ABTB2: variants seen among roughly 807,000 people sequenced by gnomAD.
ABTB2 encodes ankyrin repeat and BTB/POZ domain-containing protein 2.
A neutral mutation model predicts 104.1 loss-of-function variants in ABTB2; 56 were observed. That is an observed-to-expected ratio of 0.54 (90% CI 0.43 to 0.67). The LOEUF is 0.67. ABTB2 is among the 30% of genes least tolerant of loss of function. ABTB2 has a pLI of 0.00. For missense variants in ABTB2, 1,279 were observed against 1,407.7 expected, an observed-to-expected ratio of 0.91 and a Z score of 1.46; for synonymous variants, 606 against 608.2, an observed-to-expected ratio of 1.00 and a Z score of 0.05.
At chr11:34,260,947 C>T (rs564465937) in intron 1 of ABTB2, among the ~76,000 whole-genome samples, 1 of 152,278 alleles carries the variant, frequency 6.6e-6, no homozygotes, top group African/African-American at 2.4e-5. Context: ...CATGGTGAAA[C>T]CTTGTCTCTA....
chr11:34,233,926 T>C (rs1412231431), intron 1 of ABTB2, among the ~76,000 whole-genome samples: 1 of 152,170 alleles, frequency 6.6e-6, no homozygotes, highest in Non-Finnish European at 1.5e-5. Flanking sequence ...TGGACATCTT[T>C]TCAGGTCAGT....
chr11:34,301,881 C>G (rs1052774754), intron 1 of ABTB2, among the ~76,000 whole-genome samples: 2 of 152,112 alleles, frequency 1.3e-5, no homozygotes, highest in African/African-American at 4.8e-5. Flanking sequence ...TAGCTACTTT[C>G]CAGCCTAAAG....
rs532979766 is a variant in ABTB2, at chr11:34,338,027, T to C, written c.883+18674A>G. Among the ~76,000 whole-genome samples the C allele has an allele frequency of 2.4e-4, 36 of 151,948 alleles. No homozygotes were observed. The South Asian group carries it at 7.1e-3, about 30-fold the overall frequency. On this transcript the variant is annotated intron_variant, in intron 1 of 16. Coordinates refer to ENST00000435224, the MANE Select transcript of ABTB2 (RefSeq NM_145804.3). ...GCAGAATAAAATCCACCCCCAGTGA[T>C]GTAGATGGAATTCACAAACCTGCCC...
At chr11:34,225,035 A>T (rs989672419) in intron 1 of ABTB2, among the ~76,000 whole-genome samples, 6 of 152,202 alleles carry the variant, frequency 3.9e-5, no homozygotes, top group African/African-American at 7.2e-5. Flanking sequence ...TTAAATCTAA[A>T]CTTGAGGTAT....
chr11:34,181,843 C>T (rs55687647), intron 3 of ABTB2, among the ~76,000 whole-genome samples: 17,215 of 152,242 alleles, frequency 0.11, 1,291 homozygotes, highest in Non-Finnish European at 0.17. Flanking sequence ...GAGAGGATGG[C>T]CCCAGTGGTT....
chr11:34,197,647 C>A, intron 2 of ABTB2, 109 bp from the exon 3 acceptor site: 1 of 798,458 alleles, frequency 1.3e-6, no homozygotes, highest in Non-Finnish European at 1.9e-6. Flanking sequence ...GCTCCCTTGC[C>A]TTAGTGCATA....
At chr11:34,268,556 T>G (rs897194399) in intron 1 of ABTB2, among the ~76,000 whole-genome samples, 5 of 152,176 alleles carry the variant, frequency 3.3e-5, no homozygotes, top group Admixed American at 1.3e-4. Flanking sequence ...ACAGGGATAA[T>G]GACAGGTACT....
intron 1 of ABTB2, among the ~76,000 whole-genome samples, chr11:34,345,040 G>A (rs950523410): frequency 5.3e-5 from 8 of 152,162 alleles, no homozygotes; most frequent in African/African-American, 1.9e-4. Flanking sequence ...TGATACTAAA[G>A]TCAATTTCCA....
chr11:34,334,972 C>A, intron 1 of ABTB2: 1 of 501,338 alleles, frequency 2.0e-6, no homozygotes, highest in East Asian at 3.4e-5. Context: ...TTTAAAATCC[C>A]ATATCACTTA....
chr11:34,250,737 C>A (rs1000751047), intron 1 of ABTB2, among the ~76,000 whole-genome samples: 1 of 152,212 alleles, frequency 6.6e-6, no homozygotes, highest in Non-Finnish European at 1.5e-5. Context: ...CAACCCCAAA[C>A]TTCTTTCTGC....
At chr11:34,256,235 TAATAA>T (rs530539079) in intron 1 of ABTB2, among the ~76,000 whole-genome samples, 9 of 152,050 alleles carry the variant, frequency 5.9e-5, no homozygotes, top group Non-Finnish European at 1.2e-4. Flanking sequence ...AACATAAACT[TAATAA>T]AACACAGACA....
At chr11:34,251,776 TC>T (rs1260354042) in intron 1 of ABTB2, among the ~76,000 whole-genome samples, 1 of 152,070 alleles carries the variant, frequency 6.6e-6, no homozygotes, top group African/African-American at 2.4e-5. Context: ...ACACAACTGT[TC>T]CTCAGGAAAC....
At position 34,152,243 on chromosome 11, in the gene ABTB2, T is replaced by C. The variant is rs2132995545; in HGVS notation, c.*144A>G. On this transcript the variant is annotated 3_prime_UTR_variant, in exon 17 of 17. Coordinates refer to ENST00000435224, the MANE Select transcript of ABTB2 (RefSeq NM_145804.3). Reference sequence around the variant, plus strand: ...TAGGGCAGAGGAGATGAGGGTGAGCTGCCCGGTGACAGGGGGGACATCTGG... The same window carrying C: ...TAGGGCAGAGGAGATGAGGGTGAGCCGCCCGGTGACAGGGGGGACATCTGG... 1 of 884,156 alleles carries C rather than the reference T, an allele frequency of 1.1e-6. No homozygotes were observed. The highest frequency in any genetic ancestry group is 1.7e-5 in the African/African-American group (1 of 59,168). The allele number at this position is 884,156 out of a possible 1,614,324, so 54.8% of individuals were successfully genotyped here.
chr11:34,238,601 T>C (rs184566379), intron 1 of ABTB2, among the ~76,000 whole-genome samples: 2 of 152,322 alleles, frequency 1.3e-5, no homozygotes, highest in East Asian at 3.9e-4. Flanking sequence ...TCAACATATA[T>C]GAGCCATTAA....
At chr11:34,226,986 C>T (rs1853695447) in intron 1 of ABTB2, among the ~76,000 whole-genome samples, 1 of 152,208 alleles carries the variant, frequency 6.6e-6, no homozygotes, top group South Asian at 2.1e-4. Context: ...TGCTTGAACC[C>T]AGGAGGCGGA....
intron 1 of ABTB2, among the ~76,000 whole-genome samples, chr11:34,233,016 C>T (rs1322764672): frequency 1.3e-5 from 2 of 151,506 alleles, no homozygotes; most frequent in African/African-American, 4.9e-5. Context: ...CATATACTAC[C>T]CCCTCCATCA....
rs61880782 is a variant in ABTB2 at position 34,356,215 on chromosome 11, C to T, written c.883+486G>A. On this transcript the variant is annotated intron_variant, in intron 1 of 16. Coordinates refer to ENST00000435224, the MANE Select transcript of ABTB2 (RefSeq NM_145804.3). The surrounding 1 kb of genome is among the most constrained non-coding windows in gnomAD (Gnocchi z 4.6). Reference sequence around the variant, plus strand: ...ACCAGATCTTGGGCTTCCCACTTCCCTCCGCCCATCTTACTTATCCAAGGT... The same window carrying T: ...ACCAGATCTTGGGCTTCCCACTTCCTTCCGCCCATCTTACTTATCCAAGGT... Among the ~76,000 whole-genome samples, 3,918 of 152,336 alleles carry T rather than the reference C, an allele frequency of 0.026. 85 individuals carry two copies. The highest frequency in any genetic ancestry group is 0.058 in the Middle Eastern group (17 of 294).
At chr11:34,317,400 C>A (rs187966491) in intron 1 of ABTB2, among the ~76,000 whole-genome samples, 1 of 152,084 alleles carries the variant, frequency 6.6e-6, no homozygotes, top group East Asian at 1.9e-4. Flanking sequence ...CCCTTGATTG[C>A]GCTCTGCCCA....
Position 34,274,806 on chromosome 11 carries a change from A to C in ABTB2, c.884-70116T>G, listed in dbSNP as rs77301295. ...CAGCCACACAGTCTTGGCCGAGTGC[A>C]GTATTGCGCAAACGTGCCTTGAGTT... On this transcript the variant is annotated intron_variant, in intron 1 of 16. Transcript: ENST00000435224. Among the ~76,000 whole-genome samples the C allele has an allele frequency of 8.6e-3, 1,311 of 152,204 alleles. 14 individuals carry two copies. Among genetic ancestry groups the C allele is most frequent in the African/African-American group, 0.03 (1,244 of 41,520 alleles).
Sources: allele counts gnomAD v4.1 joint callset (sites outside exome capture counted in the v4.1 genomes callset), GRCh38; gene constraint gnomAD v4.1.1; non-coding constraint Gnocchi (gnomAD v3.1); transcripts MANE v1.5; gene names NCBI Gene and HGNC (gene_info 2026-07-23, HGNC 2026-07-21).